CFAP54: variants seen among roughly 807,000 people sequenced by gnomAD.
The protein encoded by CFAP54 is cilia and flagella associated protein 54.
In CFAP54, 290 loss-of-function variants were observed where a neutral mutation model predicts 370.4. The ratio of observed to expected loss-of-function variants is 0.78; its 90% CI spans 0.71 to 0.86. The LOEUF (loss-of-function observed/expected upper bound fraction) is 0.86, where lower values mean the gene tolerates loss of function less well. Ranked by LOEUF, CFAP54 falls within the 40% of genes least tolerant of loss-of-function variation. CFAP54 has a pLI of 0.00. For missense variants in CFAP54, 3,399 were observed against 3,528.7 expected, an observed-to-expected ratio of 0.96 and a Z score of 0.93; for synonymous variants, 1,206 against 1,236.5, an observed-to-expected ratio of 0.98 and a Z score of 0.52.
rs748094494 is a variant in CFAP54 at position 96,756,449 on chromosome 12, T to G, written c.7841-9T>G. The G allele has an allele frequency of 2.7e-5, 42 of 1,533,848 alleles. No individual in the cohort carries two copies. The highest frequency in any genetic ancestry group is 3.6e-5 in the Non-Finnish European group (41 of 1,129,346). On this transcript the variant is annotated splice_polypyrimidine_tract_variant and intron_variant, in intron 56 of 67. Coordinates refer to ENST00000524981, the MANE Select transcript of CFAP54 (RefSeq NM_001306084.2). The stretch of plus-strand genomic sequence containing the variant: ...GAAAAACCATCTTTGTATCTTTTTC[T>G]TCTTTCAGGCAAAATAGAACGTCAA...
chr12:96,699,722 T>C (rs1032430638), intron 45 of CFAP54, among the ~76,000 whole-genome samples: 1 of 152,198 alleles, frequency 6.6e-6, no homozygotes, highest in Non-Finnish European at 1.5e-5. Context: ...CAGCGTCTGA[T>C]AAATGTCCAT....
At chr12:96,548,632 T>G (rs1027755620) in intron 15 of CFAP54, among the ~76,000 whole-genome samples, 1 of 152,190 alleles carries the variant, frequency 6.6e-6, no homozygotes, top group East Asian at 1.9e-4. Flanking sequence ...AACTGAGTAC[T>G]TTATGCTGTC....
chr12:96,708,213 T>G (rs555191577), intron 47 of CFAP54, among the ~76,000 whole-genome samples: 5 of 152,176 alleles, frequency 3.3e-5, no homozygotes, highest in Non-Finnish European at 7.4e-5. Flanking sequence ...ATTGCTTGTC[T>G]GCCCATCTTT....
chr12:96,857,827 C>A (rs1027506751), intron 66 of CFAP54, among the ~76,000 whole-genome samples: 1 of 152,182 alleles, frequency 6.6e-6, no homozygotes, highest in Non-Finnish European at 1.5e-5. Context: ...TGAGTCCTCG[C>A]CAGCCATGTG....
intron 36 of CFAP54, among the ~76,000 whole-genome samples, chr12:96,656,195 C>T (rs1297730493): frequency 1.3e-5 from 2 of 152,146 alleles, no homozygotes; most frequent in African/African-American, 4.8e-5. Flanking sequence ...CCAGAAACCT[C>T]AATCTCCATA....
intron 17 of CFAP54, among the ~76,000 whole-genome samples, chr12:96,559,437 G>A (rs1269226458): frequency 6.6e-6 from 1 of 152,036 alleles, no homozygotes; most frequent in African/African-American, 2.4e-5. Flanking sequence ...GTGGTAAACT[G>A]TTCCCTCCAA....
chr12:96,833,507 C>CAT (rs1959177083), intron 66 of CFAP54, among the ~76,000 whole-genome samples: 2 of 144,056 alleles, frequency 1.4e-5, no homozygotes, highest in South Asian at 4.5e-4. Context: ...CACACGCGTA[C>CAT]GTGTGTGTGT....
intron 61 of CFAP54, among the ~76,000 whole-genome samples, chr12:96,786,243 C>T (rs1004312564): frequency 1.9e-4 from 28 of 148,748 alleles, no homozygotes; most frequent in African/African-American, 7.0e-4. Context: ...TGCAAGGCTG[C>T]GATCTTGGCT....
Position 96,700,050 on chromosome 12 carries a change from C to A in CFAP54, c.6431C>A (p.Pro2144His). The change falls in exon 46 of 68, where the codon CCT (proline) becomes CAT (histidine). Residue 2144 changes from proline (P) to histidine (H), a missense_variant. Pro to His is a moderately conservative substitution (Grantham distance 77). This residue lies in a region of CFAP54 where 2,796 missense variants were observed against 2,869.7 expected (regional missense o/e 0.97). Transcript: ENST00000524981. ...CAAATTTTCTATGGAAAAAACATGC[C>A]TTGTCCAATACCTGCAGGCTATAAA... is the stretch of plus-strand genomic sequence containing the variant. ...ISQIFYGKNM[P>H]CPIPAGYKAT... 2 of 1,609,806 alleles carry A rather than the reference C, an allele frequency of 1.2e-6. No homozygotes were observed. The highest frequency in any genetic ancestry group is 8.5e-7 in the Non-Finnish European group (1 of 1,178,342).
At chr12:96,527,122 C>G (rs1955391308) in intron 8 of CFAP54, 124 bp from the exon 9 acceptor site, 2 of 819,100 alleles carry the variant, frequency 2.4e-6, no homozygotes, top group Admixed American at 3.3e-5. Context: ...GTCTTGAACT[C>G]CTTGGGTCAA....
chr12:96,789,313 A>G (rs1221004641), intron 62 of CFAP54, among the ~76,000 whole-genome samples: 2 of 152,246 alleles, frequency 1.3e-5, no homozygotes, highest in East Asian at 3.8e-4. Flanking sequence ...GGACGTGAAC[A>G]GGCCAGGAAG....
intron 20 of CFAP54, among the ~76,000 whole-genome samples, chr12:96,578,607 T>C (rs1956003128): frequency 6.6e-6 from 1 of 152,212 alleles, no homozygotes; most frequent in Non-Finnish European, 1.5e-5. Flanking sequence ...GAGTCTCATA[T>C]TTGGCCTATA....
chr12:96,715,458 A>G (rs1257258326), intron 48 of CFAP54, among the ~76,000 whole-genome samples: 1 of 152,084 alleles, frequency 6.6e-6, no homozygotes, highest in Non-Finnish European at 1.5e-5. Flanking sequence ...CTGGGTAAGG[A>G]GGGATGAGAT....
intron 22 of CFAP54, among the ~76,000 whole-genome samples, chr12:96,587,751 A>G (rs1157055472): frequency 6.6e-6 from 1 of 152,168 alleles, no homozygotes; most frequent in African/African-American, 2.4e-5. Context: ...TATTGCTTAC[A>G]CACATTATTG....
At position 96,506,889 on chromosome 12, in the gene CFAP54, T is replaced by TTATTTC. The variant is rs1400674232; in HGVS notation, c.568-21_568-16dup. 5.4e-6 allele frequency: 8 copies of TTATTTC among 1,493,934 alleles called. No individual in the cohort carries two copies. In the East Asian group the frequency reaches 7.4e-5, roughly 14 times the overall value. 92.5% of individuals were successfully genotyped at this position (1,493,934 alleles called of 1,614,324 possible). Reference sequence around the variant, plus strand: ...GGTGTGAGCTACTGTTCCTGGCCAGTTATTTCTATTTCTATTTCTATTTTC... The same window carrying TTATTTC: ...GGTGTGAGCTACTGTTCCTGGCCAGTTATTTCTATTTCTATTTCTATTTCTATTTTC... On this transcript the variant is annotated intron_variant, in intron 3 of 67. Coordinates refer to ENST00000524981, the MANE Select transcript of CFAP54 (RefSeq NM_001306084.2).
At chr12:96,706,722 C>T (rs4762322) in intron 47 of CFAP54, among the ~76,000 whole-genome samples, 75,226 of 151,948 alleles carry the variant, frequency 0.5, 19,114 homozygotes, top group East Asian at 0.77. Context: ...CTGATGCTGT[C>T]AATCAAATAC....
chr12:96,699,122 CAAAAG>C (rs1957465439), intron 45 of CFAP54, among the ~76,000 whole-genome samples: 4 of 152,110 alleles, frequency 2.6e-5, no homozygotes, highest in Non-Finnish European at 5.9e-5. Flanking sequence ...TGATTGGTTG[CAAAAG>C]GCAACCAATC....
intron 5 of CFAP54, among the ~76,000 whole-genome samples, chr12:96,516,493 C>G (rs559723647): frequency 6.6e-6 from 1 of 152,258 alleles, no homozygotes; most frequent in South Asian, 2.1e-4. Context: ...ACCAGGGGCT[C>G]TTCCGTAGGT....
chr12:96,695,597 T>C (rs1394629337), intron 45 of CFAP54, among the ~76,000 whole-genome samples: 2 of 152,238 alleles, frequency 1.3e-5, no homozygotes, highest in Admixed American at 6.5e-5. Flanking sequence ...AATGTTCTCT[T>C]CAATATTGCA....
Sources: allele counts gnomAD v4.1 joint callset (sites outside exome capture counted in the v4.1 genomes callset), GRCh38; gene constraint gnomAD v4.1.1; regional missense constraint gnomAD v4.1.1; transcripts MANE v1.5; gene names NCBI Gene and HGNC (gene_info 2026-07-23, HGNC 2026-07-21).